The following PLA2G5 variants were observed in gnomAD, a reference collection of about 807,000 sequenced individuals.
PLA2G5 encodes Ca2+-dependent phospholipase A2.
In PLA2G5, 12 loss-of-function variants were observed where a neutral mutation model predicts 15.9. That is an observed-to-expected ratio of 0.76 (90% CI 0.48 to 1.23). The LOEUF (loss-of-function observed/expected upper bound fraction) is 1.23, where lower values mean the gene tolerates loss of function less well. Ranked by LOEUF, PLA2G5 falls within the 50% of genes most tolerant of loss-of-function variation. The pLI is 0.00. For missense variants in PLA2G5, 169 were observed against 177.1 expected, an observed-to-expected ratio of 0.95 and a Z score of 0.26; for synonymous variants, 71 against 71.4, an observed-to-expected ratio of 0.99 and a Z score of 0.03.
chr1:20,075,452 G>T (rs182986739), intron 1 of PLA2G5, among the ~76,000 whole-genome samples: 1 of 152,294 alleles, frequency 6.6e-6, no homozygotes, highest in African/African-American at 2.4e-5. Context: ...AACATCTACC[G>T]TGTATCAACT....
chr1:20,086,779 T>C (rs2016316222), intron 3 of PLA2G5, among the ~76,000 whole-genome samples: 3 of 152,220 alleles, frequency 2.0e-5, no homozygotes, highest in Admixed American at 1.3e-4. Flanking sequence ...ACTTACACTG[T>C]ACTCTTGGTC....
intron 1 of PLA2G5, among the ~76,000 whole-genome samples, chr1:20,073,333 T>G (rs1487056400): frequency 6.6e-6 from 1 of 152,248 alleles, no homozygotes; most frequent in Non-Finnish European, 1.5e-5. Flanking sequence ...GAAGTTGGTG[T>G]GTGGATTGCC....
At chr1:20,029,350 C>T (rs201653605) in intron 1 of PLA2G5, among the ~76,000 whole-genome samples, 1 of 149,646 alleles carries the variant, frequency 6.7e-6, no homozygotes, top group Non-Finnish European at 1.5e-5. Flanking sequence ...TCCCCTGATA[C>T]GTTCCTCCGC....
chr1:20,038,665 G>A (rs1477998255), intron 1 of PLA2G5, among the ~76,000 whole-genome samples: 26 of 152,172 alleles, frequency 1.7e-4, no homozygotes, highest in Admixed American at 1.4e-3. Context: ...TGTAGTCCCT[G>A]ATGCTCAGGA....
At chr1:20,064,348 C>T (rs2014903133) in intron 2 of PLA2G5, among the ~76,000 whole-genome samples, 1 of 151,636 alleles carries the variant, frequency 6.6e-6, no homozygotes, top group Non-Finnish European at 1.5e-5. Flanking sequence ...CTGAGGCAGG[C>T]AGATGATTTG....
At chr1:20,042,246 C>G (rs2013640835) in intron 1 of PLA2G5, among the ~76,000 whole-genome samples, 1 of 152,098 alleles carries the variant, frequency 6.6e-6, no homozygotes, top group Non-Finnish European at 1.5e-5. Flanking sequence ...CCTGCCTATG[C>G]TGGTGAGTGG....
At chr1:20,077,638 G>A (rs530458126) in intron 1 of PLA2G5, among the ~76,000 whole-genome samples, 140 of 152,300 alleles carry the variant, frequency 9.2e-4, no homozygotes, top group Middle Eastern at 6.8e-3. Flanking sequence ...GTCCCGGGCC[G>A]TTCTGCCTGA....
At chr1:20,090,353 G>T (rs370932274) in intron 4 of PLA2G5, among the ~76,000 whole-genome samples, 7 of 152,256 alleles carry the variant, frequency 4.6e-5, no homozygotes, top group African/African-American at 1.7e-4. Flanking sequence ...CTATCAGACT[G>T]GGAACTCCCT....
intron 1 of PLA2G5, among the ~76,000 whole-genome samples, chr1:20,042,013 G>T (rs2013627589): frequency 6.6e-6 from 1 of 152,196 alleles, no homozygotes; most frequent in Non-Finnish European, 1.5e-5. Context: ...AGGCATTAAT[G>T]ATAGAGGATC....
chr1:20,030,217 C>T (rs1003369349), intron 1 of PLA2G5, among the ~76,000 whole-genome samples: 1 of 151,794 alleles, frequency 6.6e-6, no homozygotes, highest in African/African-American at 2.4e-5. Context: ...TGATCACTAT[C>T]TCTACTATCT....
At chr1:20,075,031 AC>A (rs1416765006) in intron 1 of PLA2G5, among the ~76,000 whole-genome samples, 2 of 152,242 alleles carry the variant, frequency 1.3e-5, no homozygotes, top group Non-Finnish European at 2.9e-5. Context: ...TCTGGGCACC[AC>A]AGTCCTGCCA....
chr1:20,083,604 C>G (rs945095709), intron 1 of PLA2G5, among the ~76,000 whole-genome samples: 3 of 151,872 alleles, frequency 2.0e-5, no homozygotes, highest in African/African-American at 4.9e-5. Flanking sequence ...TTCCTGGACT[C>G]TAAGCTGGCA....
At chr1:20,040,876 C>T (rs920596331) in intron 1 of PLA2G5, among the ~76,000 whole-genome samples, 1 of 152,192 alleles carries the variant, frequency 6.6e-6, no homozygotes, top group Non-Finnish European at 1.5e-5. Flanking sequence ...AACGATTTGT[C>T]TCTTATCTAC....
At position 20,070,409 on chromosome 1, in the gene PLA2G5, A is replaced by G. The variant is rs117321541; in HGVS notation, c.-67A>G. 347 of 985,470 alleles carry G rather than the reference A, an allele frequency of 3.5e-4. 2 individuals carry two copies. The East Asian group carries it at 0.03, about 84-fold the overall frequency. 61.0% of individuals were successfully genotyped at this position (985,470 alleles called of 1,614,324 possible). A position where few individuals can be genotyped will look rare whatever the true frequency, so the allele number is the denominator to read the frequency against. On this transcript the variant is annotated 5_prime_UTR_variant, in exon 1 of 5. Transcript: ENST00000375108. ...GACCCGGGTCTCCAGGGTCTGCCCAAGGAAGTTGCTCATGGGAGCAGACCT... is the reference window on the plus strand; with the variant it reads ...GACCCGGGTCTCCAGGGTCTGCCCAGGGAAGTTGCTCATGGGAGCAGACCT...
chr1:20,079,762 A>G (rs934109607), intron 1 of PLA2G5, among the ~76,000 whole-genome samples: 1 of 152,170 alleles, frequency 6.6e-6, no homozygotes, highest in African/African-American at 2.4e-5. Context: ...AAATATAGTG[A>G]CTTGCCCAGG....
At chr1:20,070,096 C>T (rs2015270943), upstream of PLA2G5, 5 of 593,646 alleles carry the variant, frequency 8.4e-6, no homozygotes, top group Non-Finnish European at 1.1e-5. Flanking sequence ...GACTCAAATC[C>T]ACCCGCATTG....
chr1:20,059,356 A>G (rs2014589398), intron 1 of PLA2G5, among the ~76,000 whole-genome samples: 1 of 151,970 alleles, frequency 6.6e-6, no homozygotes, highest in African/African-American at 2.4e-5. Context: ...TGAGCCTAGG[A>G]CATCATGGCT....
Position 20,029,049 on chromosome 1 carries a change from A to G in PLA2G5, n.276+340A>G, listed in dbSNP as rs115522021. 4.3e-3 allele frequency among the ~76,000 whole-genome samples: 661 copies of G among 152,326 alleles called. 10 individuals carry two copies. The highest frequency in any genetic ancestry group is 0.015 in the African/African-American group (618 of 41,586). ...TAGGCGACTTGTGTTAACCAGCTCAATTAGACTCTTTACCTTGTTGCAAGG... is the reference window on the plus strand; with the variant it reads ...TAGGCGACTTGTGTTAACCAGCTCAGTTAGACTCTTTACCTTGTTGCAAGG... On this transcript the variant is annotated intron_variant and non_coding_transcript_variant, in intron 1 of 6. Coordinates refer to the PLA2G5 transcript ENST00000460175.
chr1:20,090,571 C>T lies in PLA2G5; in HGVS notation c.296C>T (p.Pro99Leu). The T allele has an allele frequency of 6.2e-7, 1 of 1,614,150 alleles. No homozygotes were observed. The highest frequency in any genetic ancestry group is 8.5e-7 in the Non-Finnish European group (1 of 1,179,992). ...TGCTCTTGGTGTCCTTTTGCAGAGC[C>T]CGGGCCCTTCTGCCATGTGAACCTC... is the stretch of plus-strand genomic sequence containing the variant. ...RFAWGVVTCE[P>L]GPFCHVNLCA... The change falls in exon 5 of 5, where the codon CCC (proline) becomes CTC (leucine). Residue 99 changes from proline (P) to leucine (L), a missense_variant. Pro to Leu is a moderately conservative substitution (Grantham distance 98). Transcript: ENST00000375108.
Sources: gnomAD v4.1 joint callset for allele counts (sites outside exome capture counted in the v4.1 genomes callset) on GRCh38, gnomAD v4.1.1 for gene constraint, MANE v1.5 for transcripts, NCBI Gene and HGNC (gene_info 2026-07-23, HGNC 2026-07-21) for gene names.